The following JPH2 variants were observed in gnomAD, a reference collection of about 807,000 sequenced individuals.
JPH2 encodes junctophilin 2, also known as junctophilin-2.
In JPH2, 38 loss-of-function variants were observed where a neutral mutation model predicts 55.9. The ratio of observed to expected loss-of-function variants is 0.68; its 90% CI spans 0.52 to 0.89. The LOEUF is 0.89. JPH2 is among the 40% of genes least tolerant of loss of function. The pLI, the probability that JPH2 is intolerant of heterozygous loss-of-function variation, is 0.00. For synonymous variants in JPH2, 480 were observed against 472.4 expected (o/e 1.02, Z -0.21); for missense variants, 964 against 1,037.6 (o/e 0.93, Z 0.97).
intron 2 of JPH2, among the ~76,000 whole-genome samples, chr20:44,132,399 C>CACACACACACAG (rs71195518): frequency 0.079 from 10,302 of 130,262 alleles, 544 homozygotes; most frequent in East Asian, 0.11. Flanking sequence ...CACACACACA[C>CACACACACACAG]ACATTTGGGC....
intron 2 of JPH2, among the ~76,000 whole-genome samples, chr20:44,152,687 T>C (rs1373005702): frequency 1.3e-5 from 2 of 152,368 alleles, no homozygotes; most frequent in East Asian, 3.9e-4. Flanking sequence ...CTCTTCCCTC[T>C]GGTGACCTGT....
At chr20:44,185,553 T>C (rs2072828739) in intron 1 of JPH2, among the ~76,000 whole-genome samples, 2 of 151,878 alleles carry the variant, frequency 1.3e-5, no homozygotes, top group Non-Finnish European at 2.9e-5. Context: ...GTGGACCACT[T>C]GATCCTGGGA....
chr20:44,116,178 G>A lies in JPH2; in HGVS notation c.1497C>T (p.Pro499=), dbSNP rs1441785257. Residue 499 remains proline, a synonymous_variant, in exon 4 of 6, where the codon CCC becomes CCT. Coordinates refer to ENST00000372980, the MANE Select transcript of JPH2 (RefSeq NM_020433.5). ...GTPPQPKRPR[P]GVSKDGLLSP... ...TCAGCAGGCCGTCCTTGGACACCCCGGGCCTGGGCCGCTTGGGCTGCGGGG... is the reference window on the plus strand; with the variant it reads ...TCAGCAGGCCGTCCTTGGACACCCCAGGCCTGGGCCGCTTGGGCTGCGGGG... The A allele has an allele frequency of 2.2e-6, 3 of 1,391,824 alleles. No homozygotes were observed. Among genetic ancestry groups the A allele is most frequent in the Non-Finnish European group, 2.8e-6 (3 of 1,084,522 alleles). 86.2% of individuals were successfully genotyped at this position (1,391,824 alleles called of 1,614,324 possible).
chr20:44,119,028 C>T (rs966976613), intron 2 of JPH2, among the ~76,000 whole-genome samples: 3 of 152,208 alleles, frequency 2.0e-5, no homozygotes, highest in Non-Finnish European at 4.4e-5. Context: ...TCACAGATCC[C>T]TTTGGCAGTG....
chr20:44,174,941 G>A (rs1357545382), intron 1 of JPH2, among the ~76,000 whole-genome samples: 1 of 152,076 alleles, frequency 6.6e-6, no homozygotes. Flanking sequence ...GGAGGTTGCG[G>A]TGGGCCAAGA....
chr20:44,162,840 C>G (rs1393440734), intron 1 of JPH2, among the ~76,000 whole-genome samples: 1 of 140,980 alleles, frequency 7.1e-6, no homozygotes, highest in Non-Finnish European at 1.5e-5. Flanking sequence ...TTAGATCTGT[C>G]CCTCTAGAGA....
rs794729025 is a variant in JPH2 at position 44,118,547 on chromosome 20, G to A, written c.1246C>T (p.Arg416Cys). The change falls in exon 3 of 6, where the codon CGC becomes TGC. Residue 416 changes from arginine (R) to cysteine (C), a missense_variant. Physicochemically the swap from Arg to Cys is radical, Grantham distance 180. Transcript: ENST00000372980. ...LAANQESNIA[R>C]TLARELAPDF... ...GGAGCCAGCTCCCTGGCCAAAGTGC[G>A]AGCAATGTTGGACTCCTGGTTGGCA... The A allele has an allele frequency of 7.4e-6, 12 of 1,613,188 alleles. No individual in the cohort carries two copies. Among genetic ancestry groups the A allele is most frequent in the Non-Finnish European group, 9.3e-6 (11 of 1,180,042 alleles).
At chr20:44,184,208 G>A (rs150617861) in intron 1 of JPH2, among the ~76,000 whole-genome samples, 1 of 152,162 alleles carries the variant, frequency 6.6e-6, no homozygotes, top group East Asian at 1.9e-4. Context: ...GGGTTTTGCA[G>A]GACAAGAAGC....
intron 2 of JPH2, among the ~76,000 whole-genome samples, chr20:44,141,982 G>A (rs1600847557): frequency 6.6e-6 from 1 of 152,228 alleles, no homozygotes; most frequent in Non-Finnish European, 1.5e-5. Context: ...GAGATGGCGA[G>A]CTCCCCATGC....
At chr20:44,133,783 T>C (rs1237088775) in intron 2 of JPH2, among the ~76,000 whole-genome samples, 1 of 147,282 alleles carries the variant, frequency 6.8e-6, no homozygotes, top group African/African-American at 2.5e-5. Flanking sequence ...TTCTTAGAGC[T>C]GGAAGGCATG....
Position 44,134,015 on chromosome 20 carries a change from TATAA to T in JPH2, c.1170-15396_1170-15393del, listed in dbSNP as rs2072348649. 8.0e-5 allele frequency among the ~76,000 whole-genome samples: 2 copies of T among 25,058 alleles called. 1 individual carries two copies. Among genetic ancestry groups the T allele is most frequent in the Non-Finnish European group, 1.3e-4 (2 of 15,018 alleles). 16.4% of individuals were successfully genotyped at this position (25,058 alleles called of 152,430 possible). Reference sequence around the variant, plus strand: ...TATAAATATATATAAATATATATATTATAAATATATATAAATATATATTTATATA... The same window carrying T: ...TATAAATATATATAAATATATATATTATATATATAAATATATATTTATATA... On this transcript the variant is annotated intron_variant, in intron 2 of 5. Coordinates refer to ENST00000372980, the MANE Select transcript of JPH2 (RefSeq NM_020433.5).
chr20:44,176,719 A>C, intron 1 of JPH2: 1 of 258,918 alleles, frequency 3.9e-6, no homozygotes, highest in Non-Finnish European at 6.0e-6. Flanking sequence ...ACTTGAGCCC[A>C]GGAGGTCGAG....
At chr20:44,140,453 T>C (rs551577563) in intron 2 of JPH2, among the ~76,000 whole-genome samples, 3 of 152,314 alleles carry the variant, frequency 2.0e-5, no homozygotes, top group Admixed American at 6.5e-5. Flanking sequence ...TATGGGATGA[T>C]GGTTTTGGCA....
rs1273731067 is a variant in JPH2 at position 44,159,263 on chromosome 20, C to T, written c.1169+355G>A. Among the ~76,000 whole-genome samples the T allele has an allele frequency of 6.6e-6, 1 of 151,852 alleles. No individual in the cohort carries two copies. The highest frequency in any genetic ancestry group is 1.5e-5 in the Non-Finnish European group (1 of 67,946). On this transcript the variant is annotated intron_variant, in intron 2 of 5. Transcript: ENST00000372980. The surrounding 1 kb of genome is among the most constrained non-coding windows in gnomAD (Gnocchi z 5.7). ...TTTGGATGGATGTTTGGGTGGTTGA[C>T]TGCGAGGTTGTGTGGATAGATGGAT...
At chr20:44,115,446 G>A (rs1333765939) in intron 4 of JPH2, among the ~76,000 whole-genome samples, 1 of 152,166 alleles carries the variant, frequency 6.6e-6, no homozygotes, top group African/African-American at 2.4e-5. Flanking sequence ...TGCAAAGGTA[G>A]GAGGACTCCA....
At chr20:44,161,675 G>T (rs779441681) in intron 1 of JPH2, among the ~76,000 whole-genome samples, 2 of 151,914 alleles carry the variant, frequency 1.3e-5, no homozygotes, top group Non-Finnish European at 2.9e-5. Flanking sequence ...ATTCTACAAA[G>T]TTGTGCTCAC....
chr20:44,106,862 G>C lies in JPH2; in HGVS notation c.*6656C>G, dbSNP rs919059768. The stretch of plus-strand genomic sequence containing the variant: ...ACGTGTGGGTGGGAATTTAAGATGA[G>C]ATTTGGGTGAGAACACAGCCAAACC... On this transcript the variant is annotated 3_prime_UTR_variant, in exon 6 of 6. Coordinates refer to ENST00000372980, the MANE Select transcript of JPH2 (RefSeq NM_020433.5). Among the ~76,000 whole-genome samples the C allele has an allele frequency of 2.0e-5, 3 of 152,090 alleles. No homozygotes were observed. Among genetic ancestry groups the C allele is most frequent in the East Asian group, 1.9e-4 (1 of 5,186 alleles).
At chr20:44,121,768 C>T (rs8113845) in intron 2 of JPH2, among the ~76,000 whole-genome samples, 36,863 of 151,614 alleles carry the variant, frequency 0.24, 4,907 homozygotes, top group Non-Finnish European at 0.28. Context: ...AGGAAGATCA[C>T]TTGAGCTCAG....
intron 2 of JPH2, among the ~76,000 whole-genome samples, chr20:44,125,090 G>A (rs535871248): frequency 6.7e-6 from 1 of 150,314 alleles, no homozygotes; most frequent in East Asian, 2.0e-4. Flanking sequence ...CTCCAGCCTG[G>A]GTGACAGAGT....
Sources: allele counts gnomAD v4.1 joint callset (sites outside exome capture counted in the v4.1 genomes callset), GRCh38; gene constraint gnomAD v4.1.1; non-coding constraint Gnocchi (gnomAD v3.1); transcripts MANE v1.5; gene names NCBI Gene and HGNC (gene_info 2026-07-23, HGNC 2026-07-21).